KNL1: variants seen among roughly 807,000 people sequenced by gnomAD.
KNL1 encodes outer kinetochore KNL1 complex subunit KNL1.
In KNL1, 66 loss-of-function variants were observed where a neutral mutation model predicts 201.3. The observed-to-expected ratio is 0.33, with a 90% confidence interval of 0.27 to 0.40. The LOEUF (loss-of-function observed/expected upper bound fraction) is 0.40. KNL1 is among the 10% of genes least tolerant of loss of function. The pLI is 1.00. For missense variants in KNL1, 2,815 were observed against 2,690.5 expected (o/e 1.05, Z -1.02); for synonymous variants, 895 against 899.2 (o/e 1.00, Z 0.08).
chr15:40,640,800 A>G (rs543546805), intron 13 of KNL1, 112 bp from the exon 14 acceptor site: 51 of 698,332 alleles, frequency 7.3e-5, no homozygotes, highest in Non-Finnish European at 1.1e-4. Context: ...TGAGTATTCA[A>G]ATTTTTCTTT....
intron 7 of KNL1, among the ~76,000 whole-genome samples, chr15:40,613,213 C>A (rs565268566): frequency 6.6e-6 from 1 of 152,196 alleles, no homozygotes; most frequent in Admixed American, 6.5e-5. Flanking sequence ...CAAAGTATAT[C>A]ATGTATTACC....
At position 40,623,026 on chromosome 15, in the gene KNL1, C is replaced by A. The variant is rs1040480705; in HGVS notation, c.2762C>A (p.Thr921Lys). The A allele has an allele frequency of 2.5e-6, 4 of 1,613,952 alleles. No homozygotes were observed. The highest frequency in any genetic ancestry group is 3.4e-6 in the Non-Finnish European group (4 of 1,179,860). ...GACATGGAGATCACTAGAAGTCACA[C>A]AACTGCCTTAGAATGTAAAACTGTC... ...QDDMEITRSH[T>K]TALECKTVSP... The change falls in exon 10 of 26, where the codon ACA (threonine) becomes AAA (lysine). Residue 921 changes from threonine to lysine, a missense_variant. Around this residue, in one of 3 missense-constraint regions of KNL1, gnomAD observed 2,464 missense variants for 2,291.7 expected, o/e 1.08. Coordinates refer to ENST00000399668, the MANE Select transcript of KNL1 (RefSeq NM_144508.5).
Position 40,624,027 on chromosome 15 carries a change from A to G in KNL1, c.3763A>G (p.Lys1255Glu), listed in dbSNP as rs1391110581. Residue 1255 changes from lysine to glutamate, a missense_variant, in exon 10 of 26, where the codon AAG (lysine) becomes GAG (glutamate). Physicochemically the swap from Lys to Glu is moderately conservative, Grantham distance 56. Coordinates refer to ENST00000399668, the MANE Select transcript of KNL1 (RefSeq NM_144508.5). ...IKFHSAAMDE[K>E]VIGKVVDQAC... ...ATTTCATAGTGCTGCTATGGATGAA[A>G]AGGTCATAGGGAAAGTTGTAGACCA... 2.5e-6 allele frequency: 4 copies of G among 1,613,930 alleles called. No homozygotes were observed. Among genetic ancestry groups the G allele is most frequent in the Admixed American group, 1.7e-5 (1 of 60,008 alleles).
intron 13 of KNL1, among the ~76,000 whole-genome samples, chr15:40,638,543 G>A (rs888395379): frequency 1.3e-5 from 2 of 151,796 alleles, no homozygotes; most frequent in Non-Finnish European, 2.9e-5. Flanking sequence ...CTAGTCTGGA[G>A]TGCAATGGTG....
Position 40,610,265 on chromosome 15 carries a change from A to G in KNL1, c.218A>G (p.His73Arg). 1 of 1,518,660 alleles carries G rather than the reference A, an allele frequency of 6.6e-7. No homozygotes were observed. The highest frequency in any genetic ancestry group is 1.1e-5 in the South Asian group (1 of 88,798). The allele number at this position is 1,518,660 out of a possible 1,614,324, so 94.1% of individuals were successfully genotyped here. A position where few individuals can be genotyped will look rare whatever the true frequency, so the allele number is the denominator to read the frequency against. The change falls in exon 6 of 26, where the codon CAT becomes CGT. Residue 73 changes from histidine (H) to arginine (R), a missense_variant. Around this residue, in one of 3 missense-constraint regions of KNL1, gnomAD observed 2,464 missense variants for 2,291.7 expected, o/e 1.08. Coordinates refer to ENST00000399668, the MANE Select transcript of KNL1 (RefSeq NM_144508.5). ...TCTAGGGTATTCCAGACGGAGTCTC[A>G]TATGAAAATAGTGAGAAAGTCAGAA... ...DTIKVFQTESHMKIVRKSEME... is the reference protein window; with the variant it reads ...DTIKVFQTESRMKIVRKSEME...
At chr15:40,643,030 C>T (rs1028059029) in intron 14 of KNL1, 2 of 152,182 alleles carry the variant, frequency 1.3e-5, no homozygotes, top group Admixed American at 1.3e-4. Flanking sequence ...CATATATCCT[C>T]TACAAGAGAT....
intron 10 of KNL1, 140 bp from the exon 11 acceptor site, chr15:40,627,930 A>G: frequency 1.7e-6 from 1 of 597,394 alleles, no homozygotes; most frequent in East Asian, 3.1e-5. Flanking sequence ...GATGTTTGTT[A>G]CTTATTCTAA....
chr15:40,653,029 C>G (rs1039600215), intron 21 of KNL1, among the ~76,000 whole-genome samples: 1 of 152,082 alleles, frequency 6.6e-6, no homozygotes, highest in African/African-American at 2.4e-5. Flanking sequence ...CTCTGGGCCT[C>G]TAAACCTGAT....
chr15:40,655,115 T>C (rs557477258), intron 22 of KNL1, 138 bp downstream of exon 22: 142 of 609,920 alleles, frequency 2.3e-4, no homozygotes, highest in Non-Finnish European at 3.4e-4. Flanking sequence ...CTGACTAACA[T>C]GGTGAAACCC....
chr15:40,649,191 C>G (rs1444374335), intron 17 of KNL1, among the ~76,000 whole-genome samples: 2 of 151,784 alleles, frequency 1.3e-5, no homozygotes, highest in Non-Finnish European at 2.9e-5. Flanking sequence ...GTCCAAACTT[C>G]TGAGCTTGAC....
At chr15:40,647,770 C>A (rs997501853) in intron 17 of KNL1, among the ~76,000 whole-genome samples, 2 of 152,190 alleles carry the variant, frequency 1.3e-5, no homozygotes, top group Non-Finnish European at 2.9e-5. Context: ...CCTCTTTCAG[C>A]ATTTGACACT....
intron 19 of KNL1, among the ~76,000 whole-genome samples, chr15:40,650,993 T>A (rs1370889605): frequency 6.6e-6 from 1 of 151,906 alleles, no homozygotes; most frequent in Non-Finnish European, 1.5e-5. Context: ...AGTGTTTGGC[T>A]GAAATTAAAT....
chr15:40,660,664 C>CAAAA (rs35985022), intron 25 of KNL1, among the ~76,000 whole-genome samples: 5 of 88,766 alleles, frequency 5.6e-5, no homozygotes, highest in South Asian at 4.2e-4. Context: ...AACTCCGTCT[C>CAAAA]AAAAAAAAAA....
chr15:40,651,582 T>G lies in KNL1; in HGVS notation c.6314+10T>G. On this transcript the variant is annotated intron_variant, in intron 20 of 25. Coordinates refer to ENST00000399668, the MANE Select transcript of KNL1 (RefSeq NM_144508.5). The stretch of plus-strand genomic sequence containing the variant: ...TACTGGATCAGTTGAGGTAAGGAAA[T>G]GCAGGCATCATTTGTTTGTGTTTTA... 1 of 1,554,548 alleles carries G rather than the reference T, an allele frequency of 6.4e-7. No homozygotes were observed.
intron 13 of KNL1, among the ~76,000 whole-genome samples, chr15:40,630,899 C>T (rs554039331): frequency 4.6e-5 from 7 of 152,084 alleles, no homozygotes; most frequent in African/African-American, 1.4e-4. Context: ...GCAGACAGAT[C>T]GCCTGAGCTT....
chr15:40,652,186 A>G lies in KNL1; in HGVS notation c.6415+81A>G, dbSNP rs149974468. On this transcript the variant is annotated intron_variant, in intron 21 of 25. Transcript: ENST00000399668. ...TAAAGATTCAAATCTTTATTTTACTATACTGATAACTATTGGCATGATGAG... is the reference window on the plus strand; with the variant it reads ...TAAAGATTCAAATCTTTATTTTACTGTACTGATAACTATTGGCATGATGAG... 1,692 of 877,066 alleles carry G rather than the reference A, an allele frequency of 1.9e-3. 19 individuals carry two copies. In the East Asian group the frequency reaches 0.028, roughly 14 times the overall value. 54.3% of individuals were successfully genotyped at this position (877,066 alleles called of 1,614,324 possible).
At chr15:40,615,411 A>G (rs751049475) in intron 8 of KNL1, 33 bp downstream of exon 8, 1 of 608,518 alleles carries the variant, frequency 1.6e-6, no homozygotes, top group Non-Finnish European at 2.8e-6. Flanking sequence ...TCTTATAGTA[A>G]GATAGTCTAT....
chr15:40,610,199 T>G (rs1487028120), intron 5 of KNL1, 46 bp from the exon 6 acceptor site: 1 of 1,008,362 alleles, frequency 9.9e-7, no homozygotes, highest in Non-Finnish European at 1.6e-6. Context: ...CAAAAGATAA[T>G]GATTACAAAT....
rs561432224 is a variant in KNL1, at chr15:40,621,947, T to C, written c.1683T>C (p.Asp561=). ...LSNPLSISLT[D]RKTELLSGEN... ...ATCCTTTGTCTATTTCATTGACTGA[T>C]AGAAAGACTGAACTCTTATCAGGTG... The change falls in exon 10 of 26, where the codon GAT becomes GAC. Residue 561 remains aspartate (D), a synonymous_variant. Coordinates refer to ENST00000399668, the MANE Select transcript of KNL1 (RefSeq NM_144508.5). The C allele has an allele frequency of 1.2e-6, 2 of 1,613,866 alleles. No homozygotes were observed. Among genetic ancestry groups the C allele is most frequent in the South Asian group, 2.2e-5 (2 of 91,076 alleles).
Sources: allele counts gnomAD v4.1 joint callset (sites outside exome capture counted in the v4.1 genomes callset), GRCh38; gene constraint gnomAD v4.1.1; regional missense constraint gnomAD v4.1.1; transcripts MANE v1.5; gene names NCBI Gene and HGNC (gene_info 2026-07-23, HGNC 2026-07-21).